PDE8A: variants seen among roughly 807,000 people sequenced by gnomAD.
PDE8A encodes the protein high affinity cAMP-specific and IBMX-insensitive 3',5'-cyclic phosphodiesterase 8A.
A neutral mutation model predicts 105.0 loss-of-function variants in PDE8A; 59 were observed. That is an observed-to-expected ratio of 0.56 (90% confidence interval 0.46 to 0.70). The LOEUF (loss-of-function observed/expected upper bound fraction) is 0.70. PDE8A is among the 30% of genes least tolerant of loss of function. The probability of loss-of-function intolerance (pLI) is 0.00; values close to 1 mark genes in which losing one functional copy is unlikely to be tolerated. For synonymous variants in PDE8A, 355 were observed against 371.9 expected (o/e 0.95, Z 0.52); for missense variants, 1,014 against 1,045.9 (o/e 0.97, Z 0.42).
At chr15:85,122,953 A>G in intron 18 of PDE8A, 108 bp from the exon 19 acceptor site, 1 of 1,147,682 alleles carries the variant, frequency 8.7e-7, no homozygotes. Flanking sequence ...GTGGCATTAG[A>G]TTTATAGCTG....
At chr15:85,064,332 GT>G in intron 1 of PDE8A, 37 bp from the exon 2 acceptor site, 1 of 1,500,590 alleles carries the variant, frequency 6.7e-7, no homozygotes, top group Non-Finnish European at 9.2e-7. Flanking sequence ...CTCTTTCTCC[GT>G]TGTCTTTTCA....
At chr15:85,021,725 T>G (rs2080429838) in intron 1 of PDE8A, among the ~76,000 whole-genome samples, 1 of 152,254 alleles carries the variant, frequency 6.6e-6, no homozygotes, top group Non-Finnish European at 1.5e-5. Context: ...AGGCAATTCT[T>G]AAGTACCTGT....
At chr15:85,094,400 C>T (rs1324345810) in intron 8 of PDE8A, among the ~76,000 whole-genome samples, 1 of 152,234 alleles carries the variant, frequency 6.6e-6, no homozygotes, top group Non-Finnish European at 1.5e-5. Flanking sequence ...TTTACCAGAA[C>T]TCTGGCCTTT....
chr15:85,022,242 G>A (rs1282913667), intron 1 of PDE8A, among the ~76,000 whole-genome samples: 1 of 152,136 alleles, frequency 6.6e-6, no homozygotes, highest in Non-Finnish European at 1.5e-5. Flanking sequence ...GTAGAAAAGG[G>A]CAGCTAGATC....
chr15:85,134,169 C>G (rs1439037231), intron 20 of PDE8A, among the ~76,000 whole-genome samples: 1 of 152,212 alleles, frequency 6.6e-6, no homozygotes, highest in African/African-American at 2.4e-5. Context: ...AGGGTCTTCA[C>G]TGACCTTCAG....
At chr15:85,062,196 G>T (rs56046484) in intron 1 of PDE8A, among the ~76,000 whole-genome samples, 34,695 of 151,996 alleles carry the variant, frequency 0.23, 4,291 homozygotes, top group African/African-American at 0.32. Context: ...ACATTTGAAT[G>T]TAATAATGTG....
chr15:85,105,145 C>A (rs2081928774), intron 11 of PDE8A, among the ~76,000 whole-genome samples: 1 of 151,990 alleles, frequency 6.6e-6, no homozygotes, highest in South Asian at 2.1e-4. Context: ...GAACCCAGGC[C>A]TCATACTTTG....
chr15:85,001,054 G>A (rs1210724328), intron 1 of PDE8A, among the ~76,000 whole-genome samples: 2 of 152,094 alleles, frequency 1.3e-5, no homozygotes, highest in African/African-American at 4.8e-5. Flanking sequence ...ACTCCCAGTT[G>A]CCAAATTCAG....
chr15:84,997,904 C>G (rs545302487), intron 1 of PDE8A, among the ~76,000 whole-genome samples: 2 of 152,266 alleles, frequency 1.3e-5, no homozygotes, highest in South Asian at 4.1e-4. Context: ...CCATGTATAT[C>G]TTCTTACAAC....
intron 1 of PDE8A, among the ~76,000 whole-genome samples, chr15:85,041,165 T>A (rs1235563674): frequency 6.6e-6 from 1 of 152,114 alleles, no homozygotes; most frequent in East Asian, 1.9e-4. Flanking sequence ...TACATGAAAA[T>A]GTCAACCAGA....
At chr15:85,047,472 C>T (rs1421851603) in intron 1 of PDE8A, among the ~76,000 whole-genome samples, 1 of 152,018 alleles carries the variant, frequency 6.6e-6, no homozygotes, top group Non-Finnish European at 1.5e-5. Context: ...CCGGATATAC[C>T]CCGTAGACAG....
chr15:85,062,743 G>T (rs1045993304), intron 1 of PDE8A: 3 of 152,184 alleles, frequency 2.0e-5, no homozygotes, highest in African/African-American at 7.2e-5. Flanking sequence ...ATTAACTGCG[G>T]TTTACCATCC....
At chr15:85,072,329 A>G (rs1406872775) in intron 3 of PDE8A, among the ~76,000 whole-genome samples, 2 of 152,198 alleles carry the variant, frequency 1.3e-5, no homozygotes, top group African/African-American at 2.4e-5. Context: ...TGTTGAGACC[A>G]TTATCAGAAT....
rs575256366 is a variant in PDE8A, at chr15:85,008,860, A to G, written c.186+26512A>G. On this transcript the variant is annotated intron_variant, in intron 1 of 21. Coordinates refer to ENST00000394553, the MANE Select transcript of PDE8A (RefSeq NM_002605.3). ...AACATTGTCTGCTGGGGGTACAGAG[A>G]GAGCCTCCCTCTCCCTGTGTCTCGA... Among the ~76,000 whole-genome samples the G allele has an allele frequency of 3.9e-5, 6 of 152,204 alleles. 1 individual carries two copies. In the South Asian group the frequency reaches 1.2e-3, roughly 32 times the overall value.
chr15:85,132,407 CT>C (rs1242291322), intron 20 of PDE8A, among the ~76,000 whole-genome samples: 2 of 152,074 alleles, frequency 1.3e-5, no homozygotes, highest in Non-Finnish European at 2.9e-5. Context: ...TTTCTTTCTT[CT>C]GTCTGCCCAT....
Position 85,067,046 on chromosome 15 carries a change from A to G in PDE8A, c.276A>G (p.Gln92=), listed in dbSNP as rs1160869453. ...TAGTGTTTACCAAAGAAGATAACCA[A>G]TGTAATGGATTCTGCAGGGCATGTG... ...VLLVFTKEDN[Q]CNGFCRACEK... is the part of the protein sequence containing the mutation. Residue 92 remains glutamine (Q), a synonymous_variant, in exon 3 of 22, where the codon CAA becomes CAG. Transcript: ENST00000394553. 2.5e-6 allele frequency: 4 copies of G among 1,611,116 alleles called. No homozygotes were observed. The highest frequency in any genetic ancestry group is 1.3e-5 in the African/African-American group (1 of 74,774).
rs74024779 is a variant in PDE8A at position 85,013,385 on chromosome 15, A to G, written c.186+31037A>G. 5.0e-3 allele frequency among the ~76,000 whole-genome samples: 761 copies of G among 152,344 alleles called. 3 individuals carry two copies. Among genetic ancestry groups the G allele is most frequent in the African/African-American group, 0.017 (701 of 41,584 alleles). ...CTGCAAAATGGGAATAATGAATTCTATCTTTTAGAGTTTTTGAGATTAACT... is the reference window on the plus strand; with the variant it reads ...CTGCAAAATGGGAATAATGAATTCTGTCTTTTAGAGTTTTTGAGATTAACT... On this transcript the variant is annotated intron_variant, in intron 1 of 21. Coordinates refer to ENST00000394553, the MANE Select transcript of PDE8A (RefSeq NM_002605.3).
Position 85,032,380 on chromosome 15 carries a change from C to G in PDE8A, c.187-31990C>G, listed in dbSNP as rs1028761056. 2.0e-5 allele frequency among the ~76,000 whole-genome samples: 3 copies of G among 152,080 alleles called. No individual in the cohort carries two copies. The East Asian group carries it at 5.8e-4, about 29-fold the overall frequency. On this transcript the variant is annotated intron_variant, in intron 1 of 21. Transcript: ENST00000394553. ...TTTTCTCTATCTTGTAAATGAGAAA[C>G]CAGGGAAAGAAAATACAGTGTATTT...
chr15:85,066,155 T>G (rs983283097), intron 2 of PDE8A, among the ~76,000 whole-genome samples: 9 of 152,236 alleles, frequency 5.9e-5, no homozygotes, highest in African/African-American at 2.2e-4. Context: ...ACTTACCCAG[T>G]TAACTTTCTT....
Sources: allele counts gnomAD v4.1 joint callset (sites outside exome capture counted in the v4.1 genomes callset), GRCh38; gene constraint gnomAD v4.1.1; transcripts MANE v1.5; gene names NCBI Gene and HGNC (gene_info 2026-07-23, HGNC 2026-07-21).